The following FBXO10 variants were observed in gnomAD, a reference collection of about 807,000 sequenced individuals.
FBXO10 encodes F-box protein 10, also known as F-box only protein 10.
FBXO10 carries 39 observed loss-of-function variants against 80.7 expected under a neutral mutation model. That is an observed-to-expected ratio of 0.48 (90% CI 0.37 to 0.63). FBXO10 has a LOEUF of 0.63. Among genes scored for constraint, FBXO10 ranks in the 30% least tolerant of loss-of-function variants. The probability of loss-of-function intolerance (pLI) is 0.00; values close to 1 mark genes in which losing one functional copy is unlikely to be tolerated. For missense variants in FBXO10, 1,025 were observed against 1,269.0 expected (o/e 0.81, Z 2.92); for synonymous variants, 449 against 489.6 (o/e 0.92, Z 1.09).
chr9:37,575,889 T>C (rs770536677), intron 1 of FBXO10, among the ~76,000 whole-genome samples: 9 of 152,176 alleles, frequency 5.9e-5, no homozygotes, highest in Admixed American at 6.5e-5. Flanking sequence ...CGACTTTACT[T>C]ACACACTCGA....
intron 3 of FBXO10, among the ~76,000 whole-genome samples, chr9:37,534,697 G>C (rs1219803062): frequency 6.6e-6 from 1 of 152,192 alleles, no homozygotes; most frequent in African/African-American, 2.4e-5. Flanking sequence ...TGAGAGACTG[G>C]AGACAGCACC....
intron 1 of FBXO10, among the ~76,000 whole-genome samples, chr9:37,543,964 T>C (rs571311713): frequency 2.6e-5 from 4 of 152,174 alleles, no homozygotes; most frequent in African/African-American, 9.6e-5. Context: ...ACTTTGCCTC[T>C]ACTAAAAAAT....
In FBXO10 at chr9:37,518,301, G is replaced by A. The variant is rs781228449; in HGVS notation, c.2338C>T (p.Arg780Trp). The A allele has an allele frequency of 2.5e-5, 41 of 1,613,930 alleles. No homozygotes were observed. The highest frequency in any genetic ancestry group is 4.4e-5 in the South Asian group (4 of 91,088). The change falls in exon 9 of 11, where the codon CGG (arginine) becomes TGG (tryptophan). Residue 780 changes from arginine (R) to tryptophan (W), a missense_variant. Coordinates refer to ENST00000432825, the MANE Select transcript of FBXO10 (RefSeq NM_012166.3). ...GCCTCAACCTTGACCCCACTTTGCC[G>A]GTTGCAGGAGATGCTGTTGTTGGCC... ...RVANNSISCN[R>W]QSGVKVEAQC...
chr9:37,556,533 A>ATTTTT (rs60829486), intron 1 of FBXO10, among the ~76,000 whole-genome samples: 11 of 75,116 alleles, frequency 1.5e-4, no homozygotes, highest in Middle Eastern at 0.012. Flanking sequence ...TTTGTTCTGG[A>ATTTTT]TTTTTTTTTT....
At position 37,516,072 on chromosome 9, in the gene FBXO10, C is replaced by G. The variant is rs182563461; in HGVS notation, c.2528G>C (p.Arg843Pro). 6.2e-7 allele frequency: 1 copy of G among 1,611,720 alleles called. No individual in the cohort carries two copies. The highest frequency in any genetic ancestry group is 8.5e-7 in the Non-Finnish European group (1 of 1,179,242). Residue 843 changes from arginine to proline, a missense_variant, in exon 10 of 11, where the codon CGG becomes CCG. By Grantham distance (103) the Arg-to-Pro change is moderately radical. Coordinates refer to ENST00000432825, the MANE Select transcript of FBXO10 (RefSeq NM_012166.3). ...PRSDTKVIKN[R>P]IHSFRAYGIA... Reference sequence around the variant, plus strand: ...GCCGTAGGCCCGGAACGAGTGGATCCGGTTCTTTATTACCTGGGAGAGGCA... The same window carrying G: ...GCCGTAGGCCCGGAACGAGTGGATCGGGTTCTTTATTACCTGGGAGAGGCA...
intron 10 of FBXO10, 42 bp from the exon 11 acceptor site, chr9:37,512,763 T>C (rs769961603): frequency 1.3e-6 from 2 of 1,590,778 alleles, no homozygotes; most frequent in Admixed American, 3.4e-5. Context: ...CTGAGGGGTG[T>C]GCAGTGCTGG....
chr9:37,546,504 A>G (rs1822059614), intron 1 of FBXO10, among the ~76,000 whole-genome samples: 1 of 152,202 alleles, frequency 6.6e-6, no homozygotes. Context: ...AATTTTGTTC[A>G]TTCACTCATC....
intron 9 of FBXO10, among the ~76,000 whole-genome samples, 172 bp from the exon 10 acceptor site, chr9:37,516,257 G>A (rs1821176632): frequency 6.6e-6 from 1 of 152,190 alleles, no homozygotes; most frequent in Non-Finnish European, 1.5e-5. Flanking sequence ...GGGAGCCAGG[G>A]AAGGCTTCCT....
intron 1 of FBXO10, among the ~76,000 whole-genome samples, chr9:37,568,258 C>T (rs770701485): frequency 3.3e-5 from 5 of 152,004 alleles, no homozygotes; most frequent in African/African-American, 1.2e-4. Context: ...AGTACAATGG[C>T]GCGATCTTGG....
chr9:37,538,449 C>T (rs912216346), intron 2 of FBXO10, among the ~76,000 whole-genome samples: 2 of 152,144 alleles, frequency 1.3e-5, no homozygotes, highest in South Asian at 2.1e-4. Context: ...GGCTCACGCC[C>T]GTAGTTCCAG....
intron 3 of FBXO10, among the ~76,000 whole-genome samples, chr9:37,536,353 A>G (rs990665655): frequency 1.3e-5 from 2 of 152,148 alleles, no homozygotes; most frequent in African/African-American, 4.8e-5. Context: ...TTTCTTCTGC[A>G]TGGGCTGTCT....
intron 5 of FBXO10, 64 bp from the exon 6 acceptor site, chr9:37,525,236 G>A: frequency 6.9e-7 from 1 of 1,439,964 alleles, no homozygotes; most frequent in Non-Finnish European, 9.5e-7. Context: ...GCTTCCAGGA[G>A]ACTGCCTTCT....
At chr9:37,576,010 C>T (rs183288016) in intron 1 of FBXO10, among the ~76,000 whole-genome samples, 152 of 152,346 alleles carry the variant, frequency 1.0e-3, no homozygotes, top group Non-Finnish European at 1.7e-3. Flanking sequence ...CCTCCGGATG[C>T]CGGGGGACCG....
In FBXO10 at chr9:37,537,290, C is replaced by A; in HGVS notation, c.1239G>T (p.Glu413Asp). Residue 413 changes from glutamate (E) to aspartate (D), a missense_variant, in exon 3 of 11, where the codon GAG (glutamate) becomes GAT (aspartate). Around this residue, in one of 3 missense-constraint regions of FBXO10, gnomAD observed 478 missense variants for 667.8 expected, o/e 0.72. Coordinates refer to ENST00000432825, the MANE Select transcript of FBXO10 (RefSeq NM_012166.3). ...CCATGGCCTCCTTATCCTTCTGCAG[C>A]TCCTGCTGCAGTGAGTTCAGCACTA... The part of the protein sequence containing the change: ...SCLVLNSLQQ[E>D]LQKDKEAMAL... 6.2e-7 allele frequency: 1 copy of A among 1,613,368 alleles called. No individual in the cohort carries two copies. The highest frequency in any genetic ancestry group is 1.1e-5 in the South Asian group (1 of 91,052).
intron 1 of FBXO10, among the ~76,000 whole-genome samples, chr9:37,563,586 A>G (rs1481357449): frequency 6.6e-6 from 1 of 152,204 alleles, no homozygotes; most frequent in African/African-American, 2.4e-5. Context: ...GTCCAGGCTG[A>G]GGTGGTCTCA....
intron 1 of FBXO10, among the ~76,000 whole-genome samples, chr9:37,570,289 G>T (rs191650512): frequency 6.6e-6 from 1 of 152,038 alleles, no homozygotes; most frequent in African/African-American, 2.4e-5. Context: ...ACTCCAGCCT[G>T]GGCAACAAGA....
rs111968680 is a variant in FBXO10, at chr9:37,548,652, G to T, written c.-6-6878C>A. Among the ~76,000 whole-genome samples the T allele has an allele frequency of 9.9e-5, 15 of 152,040 alleles. 1 individual carries two copies. Among genetic ancestry groups the T allele is most frequent in the African/African-American group, 3.6e-4 (15 of 41,464 alleles). On this transcript the variant is annotated intron_variant, in intron 1 of 10. Transcript: ENST00000432825. ...TACCCCAGATACTCTCTGAAGTCCT[G>T]TGTTTCTGCCTCCTTAAGCAATCTC...
chr9:37,513,181 G>A (rs1240440823), intron 10 of FBXO10, among the ~76,000 whole-genome samples: 3 of 152,066 alleles, frequency 2.0e-5, no homozygotes, highest in Admixed American at 2.0e-4. Context: ...GGTGGTTGTT[G>A]TGAGACAGGG....
At chr9:37,522,529 G>A in intron 7 of FBXO10, 2 of 1,145,476 alleles carry the variant, frequency 1.7e-6, no homozygotes, top group Non-Finnish European at 2.1e-6. Flanking sequence ...AGATGCACAT[G>A]AGCCAGGGCT....
Sources: gnomAD v4.1 joint callset for allele counts (sites outside exome capture counted in the v4.1 genomes callset) on GRCh38, gnomAD v4.1.1 for gene constraint, gnomAD v4.1.1 regional missense constraint, MANE v1.5 for transcripts, NCBI Gene and HGNC (gene_info 2026-07-23, HGNC 2026-07-21) for gene names.